OXR1: variants seen among roughly 807,000 people sequenced by gnomAD.
OXR1 encodes the protein oxidation resistance protein 1.
Under a neutral mutation model 104.6 loss-of-function variants are expected in OXR1, and 41 were observed. That is an observed-to-expected ratio of 0.39 (90% CI 0.31 to 0.51). OXR1 has a LOEUF of 0.51. OXR1 is among the 20% of genes least tolerant of loss of function. The pLI is 0.77. For synonymous variants in OXR1, 348 were observed against 348.4 expected (o/e 1.00, Z 0.01); for missense variants, 955 against 1,031.9 (o/e 0.93, Z 1.02).
At chr8:106,577,979 C>T (rs1283542944) in intron 3 of OXR1, among the ~76,000 whole-genome samples, 2 of 152,216 alleles carry the variant, frequency 1.3e-5, no homozygotes, top group Non-Finnish European at 2.9e-5. Flanking sequence ...TTGTACCCTG[C>T]TCTTCAGAGA....
intron 2 of OXR1, among the ~76,000 whole-genome samples, chr8:106,365,957 GTT>G (rs1229917696): frequency 2.0e-5 from 3 of 152,210 alleles, no homozygotes; most frequent in African/African-American, 7.2e-5. Flanking sequence ...TGAGCCTGAG[GTT>G]GCAGGTTCAA....
At chr8:106,475,815 T>C (rs1821773923) in intron 2 of OXR1, among the ~76,000 whole-genome samples, 1 of 152,010 alleles carries the variant, frequency 6.6e-6, no homozygotes, top group African/African-American at 2.4e-5. Context: ...CTTCTGTTAA[T>C]TCCTGTCTTG....
At chr8:106,437,002 C>A (rs1185645547) in intron 2 of OXR1, among the ~76,000 whole-genome samples, 1 of 152,056 alleles carries the variant, frequency 6.6e-6, no homozygotes, top group East Asian at 1.9e-4. Flanking sequence ...AACAAACAAA[C>A]AAAAAAATCT....
chr8:106,548,800 G>T (rs561568172), intron 3 of OXR1, among the ~76,000 whole-genome samples: 79 of 152,084 alleles, frequency 5.2e-4, no homozygotes, highest in Non-Finnish European at 9.7e-4. Flanking sequence ...GAAGAGATTT[G>T]GATTTGATTT....
intron 1 of OXR1, among the ~76,000 whole-genome samples, chr8:106,283,041 C>A (rs1007542271): frequency 6.6e-6 from 1 of 152,182 alleles, no homozygotes; most frequent in East Asian, 1.9e-4. Flanking sequence ...AAGTTCTATT[C>A]AGTGTGAACA....
At chr8:106,579,021 C>T (rs1234256757) in intron 3 of OXR1, among the ~76,000 whole-genome samples, 5 of 127,964 alleles carry the variant, frequency 3.9e-5, no homozygotes, top group Non-Finnish European at 8.0e-5. Flanking sequence ...TGAAAATATA[C>T]CCAATACCAC....
chr8:106,697,547 T>C, intron 7 of OXR1: 1 of 1,611,606 alleles, frequency 6.2e-7, no homozygotes, highest in South Asian at 1.1e-5. Flanking sequence ...GGATTCTCCT[T>C]GGATTTCTTA....
intron 1 of OXR1, among the ~76,000 whole-genome samples, chr8:106,347,242 T>C (rs1815532822): frequency 1.3e-5 from 2 of 152,180 alleles, no homozygotes; most frequent in African/African-American, 4.8e-5. Flanking sequence ...AAGAAAACAT[T>C]TTCCTAAGCA....
chr8:106,609,104 A>C (rs1373915215), intron 3 of OXR1, among the ~76,000 whole-genome samples: 1 of 152,062 alleles, frequency 6.6e-6, no homozygotes. Context: ...AGTTGATCTT[A>C]GTAAAAGGAA....
At chr8:106,526,178 C>A (rs1813646910) in intron 3 of OXR1, among the ~76,000 whole-genome samples, 1 of 152,084 alleles carries the variant, frequency 6.6e-6, no homozygotes. Context: ...AAATCTTATA[C>A]AATTTTTATG....
intron 7 of OXR1, among the ~76,000 whole-genome samples, chr8:106,695,772 T>C (rs1829961429): frequency 6.6e-6 from 1 of 151,552 alleles, no homozygotes; most frequent in South Asian, 2.1e-4. Flanking sequence ...GATCCCTAAC[T>C]TTTAAATTTT....
At chr8:106,288,585 T>G (rs1812602240) in intron 1 of OXR1, among the ~76,000 whole-genome samples, 1 of 138,638 alleles carries the variant, frequency 7.2e-6, no homozygotes, top group African/African-American at 3.0e-5. Context: ...TATATGTATA[T>G]ACACACCATA....
At chr8:106,278,451 C>T (rs1215285297) in intron 1 of OXR1, among the ~76,000 whole-genome samples, 5 of 151,428 alleles carry the variant, frequency 3.3e-5, no homozygotes, top group African/African-American at 9.7e-5. Flanking sequence ...TATGTACAAA[C>T]AAGTCTTAGT....
At chr8:106,570,723 A>C (rs1354808814) in intron 3 of OXR1, among the ~76,000 whole-genome samples, 1 of 152,124 alleles carries the variant, frequency 6.6e-6, no homozygotes, top group Admixed American at 6.5e-5. Context: ...CATTGTCCCC[A>C]GATGCCTGTC....
At chr8:106,391,139 C>T (rs759267183) in intron 2 of OXR1, among the ~76,000 whole-genome samples, 3 of 151,890 alleles carry the variant, frequency 2.0e-5, no homozygotes, top group East Asian at 3.9e-4. Context: ...CAAGATTGAC[C>T]GTGAGTTGAT....
Position 106,751,913 on chromosome 8 carries a change from A to T in OXR1, c.*972A>T, listed in dbSNP as rs1484855941. 1 of 152,444 alleles carries T rather than the reference A, an allele frequency of 6.6e-6. No individual in the cohort carries two copies. The highest frequency in any genetic ancestry group is 2.4e-5 in the African/African-American group (1 of 41,442). 9.4% of individuals were successfully genotyped at this position (152,444 alleles called of 1,614,324 possible). A position where few individuals can be genotyped will look rare whatever the true frequency, so the allele number is the denominator to read the frequency against. On this transcript the variant is annotated 3_prime_UTR_variant, in exon 17 of 17. Coordinates refer to ENST00000517566, the MANE Select transcript of OXR1 (RefSeq NM_001198533.2). The stretch of plus-strand genomic sequence containing the variant: ...CTTTGAGTGGTATATGTTATTAATT[A>T]CCATTAGCATTTGCTCTTATAAAGG...
chr8:106,316,077 T>A (rs1294812569), intron 1 of OXR1, among the ~76,000 whole-genome samples: 1 of 152,210 alleles, frequency 6.6e-6, no homozygotes, highest in Non-Finnish European at 1.5e-5. Flanking sequence ...AAAACTGTAG[T>A]AAGTCGACAG....
chr8:106,490,766 A>C (rs1276838889), intron 2 of OXR1, among the ~76,000 whole-genome samples: 1 of 152,036 alleles, frequency 6.6e-6, no homozygotes, highest in Non-Finnish European at 1.5e-5. Context: ...CCGGGGAAAT[A>C]TCTCTGGCCA....
At chr8:106,494,294 T>C (rs374088285) in intron 2 of OXR1, among the ~76,000 whole-genome samples, 33 of 152,178 alleles carry the variant, frequency 2.2e-4, no homozygotes, top group East Asian at 9.6e-4. Context: ...ATTTTAGCTC[T>C]TTTTGTTTCA....
Sources: gnomAD v4.1 joint callset for allele counts (sites outside exome capture counted in the v4.1 genomes callset) on GRCh38, gnomAD v4.1.1 for gene constraint, MANE v1.5 for transcripts, NCBI Gene and HGNC (gene_info 2026-07-23, HGNC 2026-07-21) for gene names.